The following RABEPK variants were observed in gnomAD, a reference collection of about 807,000 sequenced individuals.
RABEPK encodes 40 kDa Rab9 effector protein.
Under a neutral mutation model 34.1 loss-of-function variants are expected in RABEPK, and 27 were observed. That is an observed-to-expected ratio of 0.79 (90% confidence interval 0.58 to 1.09). The LOEUF (loss-of-function observed/expected upper bound fraction) is 1.09, where lower values mean the gene tolerates loss of function less well. Among genes scored for constraint, RABEPK ranks in the 50% least tolerant of loss-of-function variants. The pLI is 0.00. For missense variants in RABEPK, 449 were observed against 462.6 expected (o/e 0.97, Z 0.27); for synonymous variants, 172 against 169.2 (o/e 1.02, Z -0.13).
At chr9:125,210,199 C>G (rs543300278) in intron 3 of RABEPK, among the ~76,000 whole-genome samples, 3 of 151,698 alleles carry the variant, frequency 2.0e-5, no homozygotes, top group Admixed American at 6.6e-5. Context: ...GTCAAGAGAT[C>G]GAGACCATCC....
intron 3 of RABEPK, among the ~76,000 whole-genome samples, chr9:125,210,457 C>T (rs1830514115): frequency 1.4e-5 from 2 of 147,698 alleles, no homozygotes; most frequent in South Asian, 2.1e-4. Flanking sequence ...TGGTGACTCA[C>T]GCCTGTAATC....
At chr9:125,216,430 C>A (rs1011476245) in intron 4 of RABEPK, among the ~76,000 whole-genome samples, 3 of 151,512 alleles carry the variant, frequency 2.0e-5, no homozygotes, top group Non-Finnish European at 4.4e-5. Flanking sequence ...AAAAAAAAAA[C>A]TATTGTACAA....
At chr9:125,226,876 A>G (rs1831796018) in intron 5 of RABEPK, among the ~76,000 whole-genome samples, 1 of 148,322 alleles carries the variant, frequency 6.7e-6, no homozygotes, top group African/African-American at 2.5e-5. Flanking sequence ...AAAAATAATA[A>G]TAATAAATAG....
chr9:125,217,862 G>T (rs1305355862), intron 4 of RABEPK, among the ~76,000 whole-genome samples: 1 of 152,054 alleles, frequency 6.6e-6, no homozygotes, highest in Non-Finnish European at 1.5e-5. Flanking sequence ...TTTTGCTTTG[G>T]ATATAGGCTG....
chr9:125,222,934 A>C (rs1831455325), intron 5 of RABEPK, among the ~76,000 whole-genome samples: 1 of 151,872 alleles, frequency 6.6e-6, no homozygotes, highest in Non-Finnish European at 1.5e-5. Flanking sequence ...GGTCCCTCAA[A>C]GTGCTGGGAT....
intron 5 of RABEPK, among the ~76,000 whole-genome samples, chr9:125,222,730 A>G (rs1831439658): frequency 6.6e-6 from 1 of 151,460 alleles, no homozygotes; most frequent in Non-Finnish European, 1.5e-5. Context: ...AAAAAAAAAA[A>G]AAAAAAAGGA....
chr9:125,223,601 C>G (rs533018695), intron 5 of RABEPK, among the ~76,000 whole-genome samples: 7 of 151,864 alleles, frequency 4.6e-5, no homozygotes, highest in African/African-American at 1.7e-4. Context: ...TATGCTGACT[C>G]ATGCCTATAA....
chr9:125,203,411 G>A (rs975323277), intron 2 of RABEPK, among the ~76,000 whole-genome samples: 15 of 152,094 alleles, frequency 9.9e-5, no homozygotes, highest in Non-Finnish European at 1.8e-4. Flanking sequence ...ACTGTTTCTT[G>A]GCTGTTTGTT....
intron 4 of RABEPK, among the ~76,000 whole-genome samples, chr9:125,216,366 T>A (rs1830925989): frequency 6.6e-6 from 1 of 151,906 alleles, no homozygotes. Context: ...ATATTTGGGG[T>A]GTTGCCCACC....
At chr9:125,225,732 G>A (rs1346729738) in intron 5 of RABEPK, among the ~76,000 whole-genome samples, 2 of 152,064 alleles carry the variant, frequency 1.3e-5, no homozygotes, top group South Asian at 2.1e-4. Context: ...AGGCCGAGGC[G>A]GGCAGATCAC....
chr9:125,223,534 C>G (rs1437260269), intron 5 of RABEPK, among the ~76,000 whole-genome samples: 1 of 151,978 alleles, frequency 6.6e-6, no homozygotes, highest in Non-Finnish European at 1.5e-5. Context: ...CTCATGGACA[C>G]TTAGGCTATT....
chr9:125,220,123 T>C (rs893181168), intron 4 of RABEPK, among the ~76,000 whole-genome samples: 3 of 152,054 alleles, frequency 2.0e-5, no homozygotes, highest in Admixed American at 6.6e-5. Context: ...CTCAACCTCC[T>C]GAGGAGCTGG....
At chr9:125,214,088 C>T (rs981162125) in intron 4 of RABEPK, among the ~76,000 whole-genome samples, 15 of 151,494 alleles carry the variant, frequency 9.9e-5, no homozygotes, top group South Asian at 4.2e-4. Flanking sequence ...TGCCACTGCA[C>T]TCCAGCCTGG....
At chr9:125,225,169 G>C (rs1831644744) in intron 5 of RABEPK, among the ~76,000 whole-genome samples, 1 of 149,852 alleles carries the variant, frequency 6.7e-6, no homozygotes, top group African/African-American at 2.5e-5. Flanking sequence ...TGGATCACTT[G>C]AGCCCAGGAG....
intron 3 of RABEPK, among the ~76,000 whole-genome samples, chr9:125,208,397 A>C (rs749853464): frequency 6.6e-6 from 1 of 151,954 alleles, no homozygotes; most frequent in Non-Finnish European, 1.5e-5. Context: ...TTTGAGATGG[A>C]GTTTCGCTCT....
rs376770742 is a variant in RABEPK, at chr9:125,200,579, T to C, written c.-334T>C. ...CGCGACTGGCCTAAGTCGCCGCAGG[T>C]ATTGCAGTCCGGGGCTGGAGGGTAG... On this transcript the variant is annotated 5_prime_UTR_variant, in exon 1 of 8. Coordinates refer to ENST00000373538, the MANE Select transcript of RABEPK (RefSeq NM_005833.4). The C allele has an allele frequency of 2.4e-6, 1 of 416,010 alleles. No homozygotes were observed. The highest frequency in any genetic ancestry group is 7.2e-5 in the East Asian group (1 of 13,838). The allele number at this position is 416,010 out of a possible 1,614,324, so 25.8% of individuals were successfully genotyped here. A position where few individuals can be genotyped will look rare whatever the true frequency, so the allele number is the denominator to read the frequency against.
chr9:125,229,431 A>T (rs1415032103), intron 6 of RABEPK, among the ~76,000 whole-genome samples: 1 of 152,200 alleles, frequency 6.6e-6, no homozygotes, highest in East Asian at 1.9e-4. Flanking sequence ...ACTCCGTCTC[A>T]AAGAAAAGAA....
At chr9:125,216,790 G>A (rs1424647388) in intron 4 of RABEPK, among the ~76,000 whole-genome samples, 2 of 151,948 alleles carry the variant, frequency 1.3e-5, no homozygotes, top group African/African-American at 2.4e-5. Context: ...CTGAAAGCCC[G>A]TCTCTACTAA....
intron 6 of RABEPK, among the ~76,000 whole-genome samples, chr9:125,230,357 A>G (rs112032280): frequency 9.2e-5 from 14 of 152,244 alleles, no homozygotes; most frequent in African/African-American, 3.4e-4. Flanking sequence ...AGGCATGGGA[A>G]GTCCTGTGTA....
Sources: allele counts gnomAD v4.1 joint callset (sites outside exome capture counted in the v4.1 genomes callset), GRCh38; gene constraint gnomAD v4.1.1; transcripts MANE v1.5; gene names NCBI Gene and HGNC (gene_info 2026-07-23, HGNC 2026-07-21).